The following ZFHX3 variants were observed in gnomAD, a reference collection of about 807,000 sequenced individuals.
ZFHX3 encodes zinc finger homeobox protein 3.
ZFHX3 carries 42 observed loss-of-function variants against 279.1 expected under a neutral mutation model. That is an observed-to-expected ratio of 0.15 (90% CI 0.12 to 0.19). ZFHX3 has a LOEUF of 0.19. Among genes scored for constraint, ZFHX3 ranks in the 10% least tolerant of loss-of-function variants. The pLI is 1.00. For synonymous variants in ZFHX3, 2,293 were observed against 1,957.8 expected (o/e 1.17, Z -4.52); for missense variants, 4,981 against 4,754.0 (o/e 1.05, Z -1.40).
chr16:73,830,993 TCAAAGACTGA>T (rs1960981138), intron 1 of ZFHX3, among the ~76,000 whole-genome samples: 1 of 152,180 alleles, frequency 6.6e-6, no homozygotes, highest in South Asian at 2.1e-4. Flanking sequence ...GTTCACTAGC[TCAAAGACTGA>T]CATTATCCTT....
Position 72,787,449 on chromosome 16 carries a change from G to GCCGTATCATTAAAAAA in ZFHX3, c.10826_10827insTTTTTTAATGATACGG (p.Pro3610PhefsTer61). 6.2e-7 allele frequency: 1 copy of GCCGTATCATTAAAAAA among 1,604,688 alleles called. No individual in the cohort carries two copies. Among genetic ancestry groups the GCCGTATCATTAAAAAA allele is most frequent in the Non-Finnish European group, 8.5e-7 (1 of 1,174,170 alleles). ...GCCAAGACTTCCTGGAGGCGTGGGG[G>GCCGTATCATTAAAAAA]GAAGCGGAGGAGGGGGCGGCGGCCG... On this transcript the variant is annotated frameshift_variant, in exon 10 of 10. Transcript: ENST00000268489. LOFTEE classifies it high-confidence loss of function.
chr16:73,817,611 C>T (rs1029058843), intron 1 of ZFHX3, among the ~76,000 whole-genome samples: 1 of 152,186 alleles, frequency 6.6e-6, no homozygotes, highest in African/African-American at 2.4e-5. Context: ...GCTTTAGGAA[C>T]ATCTACTTGG....
chr16:73,274,175 A>G (rs2014231656), intron 4 of ZFHX3, among the ~76,000 whole-genome samples: 1 of 152,194 alleles, frequency 6.6e-6, no homozygotes, highest in Non-Finnish European at 1.5e-5. Flanking sequence ...TTATTACCAA[A>G]TTGCCTTGCA....
At chr16:73,796,879 A>C (rs1567413563) in intron 1 of ZFHX3, among the ~76,000 whole-genome samples, 1 of 152,190 alleles carries the variant, frequency 6.6e-6, no homozygotes, top group Non-Finnish European at 1.5e-5. Context: ...CCTTGCACTG[A>C]AGAGCTTCCA....
At chr16:73,817,372 G>A (rs1354214964) in intron 1 of ZFHX3, among the ~76,000 whole-genome samples, 2 of 152,140 alleles carry the variant, frequency 1.3e-5, no homozygotes, top group Non-Finnish European at 2.9e-5. Flanking sequence ...ACTTCTCAAA[G>A]TTGCTCTGGC....
At chr16:73,326,734 A>G (rs961282618) in intron 3 of ZFHX3, among the ~76,000 whole-genome samples, 2 of 152,218 alleles carry the variant, frequency 1.3e-5, no homozygotes, top group African/African-American at 4.8e-5. Context: ...ACACTCTTGA[A>G]TCCTATACTT....
At chr16:73,583,021 T>C (rs1336008515) in intron 2 of ZFHX3, among the ~76,000 whole-genome samples, 1 of 152,226 alleles carries the variant, frequency 6.6e-6, no homozygotes, top group African/African-American at 2.4e-5. Context: ...TTCTTTGCAC[T>C]AGTCTTAGGA....
chr16:73,268,683 G>A (rs953321430), intron 4 of ZFHX3, among the ~76,000 whole-genome samples: 5 of 152,196 alleles, frequency 3.3e-5, no homozygotes, highest in Admixed American at 2.0e-4. Flanking sequence ...GGCTCGGGGC[G>A]CACCTGCCCT....
intron 2 of ZFHX3, among the ~76,000 whole-genome samples, chr16:73,463,045 C>G (rs2018499219): frequency 1.3e-5 from 2 of 152,118 alleles, no homozygotes; most frequent in Non-Finnish European, 2.9e-5. Flanking sequence ...CTCCAACTCC[C>G]CTTCCAGATC....
At chr16:73,058,042 ACCG>A (rs1375139286) in intron 1 of ZFHX3, among the ~76,000 whole-genome samples, 1 of 142,554 alleles carries the variant, frequency 7.0e-6, no homozygotes, top group African/African-American at 2.5e-5. Flanking sequence ...TACTCCCCCC[ACCG>A]CCGGCCGCCG....
intron 1 of ZFHX3, among the ~76,000 whole-genome samples, chr16:73,033,256 G>A (rs28688024): frequency 0.058 from 8,791 of 152,178 alleles, 565 homozygotes; most frequent in East Asian, 0.28. Context: ...GAAGAGGAAC[G>A]GCCTTGCAAA....
rs570878272 is a variant in ZFHX3, at chr16:72,818,736, G to A, written c.3530-6698C>T. Reference sequence around the variant, plus strand: ...CAGAATCTGTCTCAACATCCAGCCTGGTGAAGTTAAGAACCTTCTATTCAA... The same window carrying A: ...CAGAATCTGTCTCAACATCCAGCCTAGTGAAGTTAAGAACCTTCTATTCAA... On this transcript the variant is annotated intron_variant, in intron 5 of 9. Coordinates refer to ENST00000268489, the MANE Select transcript of ZFHX3 (RefSeq NM_006885.4). 7.2e-5 allele frequency among the ~76,000 whole-genome samples: 11 copies of A among 152,228 alleles called. No individual in the cohort carries two copies. The South Asian group carries it at 2.3e-3, about 32-fold the overall frequency.
intron 3 of ZFHX3, among the ~76,000 whole-genome samples, chr16:73,405,821 A>G (rs1446878156): frequency 6.6e-6 from 1 of 152,222 alleles, no homozygotes; most frequent in Non-Finnish European, 1.5e-5. Context: ...TAAACAGATG[A>G]CTGGAGGCTG....
intron 5 of ZFHX3, chr16:73,144,553 C>G (rs949536115): frequency 1.3e-5 from 2 of 152,362 alleles, no homozygotes; most frequent in Middle Eastern, 6.8e-3. Flanking sequence ...AAGTCCCTAA[C>G]AGGAAAAGTG....
chr16:73,675,600 C>T (rs146049368), intron 2 of ZFHX3, among the ~76,000 whole-genome samples: 24 of 151,990 alleles, frequency 1.6e-4, no homozygotes, highest in African/African-American at 3.6e-4. Flanking sequence ...TAGATTACTG[C>T]GGTTCCTGAA....
chr16:73,314,245 T>C (rs987389985), intron 4 of ZFHX3, among the ~76,000 whole-genome samples: 6 of 152,196 alleles, frequency 3.9e-5, no homozygotes, highest in African/African-American at 1.4e-4. Flanking sequence ...TCTTTGGACT[T>C]CGTCTGCACT....
At chr16:73,267,755 G>A (rs1162010650) in intron 4 of ZFHX3, among the ~76,000 whole-genome samples, 1 of 152,156 alleles carries the variant, frequency 6.6e-6, no homozygotes. Flanking sequence ...GTTTATCCCA[G>A]TAGATTCTCA....
At chr16:73,325,540 G>A (rs1166852567) in intron 3 of ZFHX3, among the ~76,000 whole-genome samples, 5 of 151,954 alleles carry the variant, frequency 3.3e-5, no homozygotes, top group Admixed American at 3.3e-4. Context: ...ATATCATATG[G>A]CCATGCCTTG....
chr16:73,811,109 A>C (rs1465075162), intron 1 of ZFHX3, among the ~76,000 whole-genome samples: 1 of 152,226 alleles, frequency 6.6e-6, no homozygotes, highest in African/African-American at 2.4e-5. Flanking sequence ...AGCTCAGTGC[A>C]TCGTCACATT....
Sources: gnomAD v4.1 joint callset for allele counts (sites outside exome capture counted in the v4.1 genomes callset) on GRCh38, gnomAD v4.1.1 for gene constraint, MANE v1.5 for transcripts, NCBI Gene and HGNC (gene_info 2026-07-23, HGNC 2026-07-21) for gene names.